The following EFL1 variants were observed in gnomAD, a reference collection of about 807,000 sequenced individuals.
EFL1 encodes the protein elongation factor like GTPase 1.
Under a neutral mutation model 126.7 loss-of-function variants are expected in EFL1, and 76 were observed. That is an observed-to-expected ratio of 0.60 (90% CI 0.50 to 0.73). EFL1 has a LOEUF of 0.73. Among genes scored for constraint, EFL1 ranks in the 30% least tolerant of loss-of-function variants. The pLI is 0.00. For missense variants in EFL1, 1,128 were observed against 1,343.2 expected (o/e 0.84, Z 2.50); for synonymous variants, 410 against 448.4 (o/e 0.91, Z 1.08).
intron 18 of EFL1, among the ~76,000 whole-genome samples, chr15:82,141,309 G>A (rs1434884460): frequency 1.3e-5 from 2 of 152,140 alleles, no homozygotes; most frequent in Non-Finnish European, 2.9e-5. Flanking sequence ...ATATAGAAAA[G>A]AAATCTTACC....
chr15:82,185,465 GA>G (rs1223678425), intron 15 of EFL1, among the ~76,000 whole-genome samples: 1 of 151,834 alleles, frequency 6.6e-6, no homozygotes, highest in Admixed American at 6.6e-5. Context: ...AAGACATTCA[GA>G]AAAAAATTTT....
At chr15:82,256,993 C>T (rs1000923272) in intron 3 of EFL1, among the ~76,000 whole-genome samples, 1 of 152,070 alleles carries the variant, frequency 6.6e-6, no homozygotes, top group Admixed American at 6.5e-5. Context: ...GAGAATACTG[C>T]CGATTGTTGG....
rs2075034957 is a variant in EFL1, at chr15:82,252,834, A to G, written c.160-59T>C. The G allele has an allele frequency of 3.9e-6, 4 of 1,021,080 alleles. No individual in the cohort carries two copies. The South Asian group carries it at 4.6e-5, about 12-fold the overall frequency. The allele number at this position is 1,021,080 out of a possible 1,614,324, so 63.3% of individuals were successfully genotyped here. ...CAAAGAATTAAAATGTAACATTAAAATTTGCTAATTTAGATTTTTGTTTTA... is the reference window on the plus strand; with the variant it reads ...CAAAGAATTAAAATGTAACATTAAAGTTTGCTAATTTAGATTTTTGTTTTA... On this transcript the variant is annotated intron_variant, in intron 3 of 19. Coordinates refer to ENST00000268206, the MANE Select transcript of EFL1 (RefSeq NM_024580.6).
At chr15:82,246,760 A>G (rs1391898245) in intron 4 of EFL1, among the ~76,000 whole-genome samples, 3 of 152,100 alleles carry the variant, frequency 2.0e-5, no homozygotes, top group African/African-American at 4.8e-5. Context: ...CAAGCAGGTG[A>G]GAATTCTTCT....
In EFL1 at chr15:82,130,355, T is replaced by G; in HGVS notation, c.*18A>C. On this transcript the variant is annotated 3_prime_UTR_variant, in exon 20 of 20. Transcript: ENST00000268206. ...TTTAAATTCACTATAAGGAAAAGAA[T>G]CCACCAGTAGTAGGTAGCTACTTAT... The G allele has an allele frequency of 1.2e-6, 2 of 1,609,674 alleles. No homozygotes were observed. The highest frequency in any genetic ancestry group is 8.5e-7 in the Non-Finnish European group (1 of 1,177,668).
intron 19 of EFL1, among the ~76,000 whole-genome samples, chr15:82,131,487 G>A (rs1214127179): frequency 1.3e-5 from 2 of 152,090 alleles, no homozygotes; most frequent in African/African-American, 4.8e-5. Context: ...GAGGTGGTGG[G>A]TGCATGACAT....
At chr15:82,199,155 T>A (rs1246558999) in intron 15 of EFL1, among the ~76,000 whole-genome samples, 1 of 152,062 alleles carries the variant, frequency 6.6e-6, no homozygotes, top group South Asian at 2.1e-4. Flanking sequence ...AAATCCCAAG[T>A]CCAAAAACAG....
intron 15 of EFL1, among the ~76,000 whole-genome samples, chr15:82,171,488 C>A (rs773437652): frequency 2.1e-4 from 32 of 152,126 alleles, no homozygotes; most frequent in Non-Finnish European, 4.1e-4. Context: ...AGCATTGAAA[C>A]AATTAGCCAA....
intron 19 of EFL1, among the ~76,000 whole-genome samples, chr15:82,136,958 C>T (rs2073728664): frequency 6.6e-6 from 1 of 150,620 alleles, no homozygotes; most frequent in Admixed American, 6.6e-5. Flanking sequence ...TTTGTACTGA[C>T]CAAAAAAACG....
chr15:82,130,857 C>G (rs1156608204), intron 19 of EFL1, among the ~76,000 whole-genome samples: 3 of 151,784 alleles, frequency 2.0e-5, no homozygotes, highest in South Asian at 4.2e-4. Flanking sequence ...ACAACAACAA[C>G]AACAAAAATT....
intron 12 of EFL1, among the ~76,000 whole-genome samples, chr15:82,224,685 T>G (rs1037884877): frequency 2.0e-5 from 3 of 151,936 alleles, no homozygotes; most frequent in Non-Finnish European, 4.4e-5. Flanking sequence ...GGAACACACA[T>G]AAAAAACAGG....
chr15:82,239,123 T>G (rs1310934311), intron 6 of EFL1, among the ~76,000 whole-genome samples: 2 of 152,190 alleles, frequency 1.3e-5, no homozygotes, highest in East Asian at 3.9e-4. Flanking sequence ...GCAGGAGTTA[T>G]TTTACCTGTT....
At chr15:82,144,323 TTAC>T (rs2073820299) in intron 18 of EFL1, among the ~76,000 whole-genome samples, 1 of 151,766 alleles carries the variant, frequency 6.6e-6, no homozygotes, top group Non-Finnish European at 1.5e-5. Context: ...AGAAATGAGT[TTAC>T]TTTAGGCTTA....
intron 15 of EFL1, among the ~76,000 whole-genome samples, chr15:82,172,287 T>C (rs1055579637): frequency 2.6e-5 from 4 of 152,212 alleles, no homozygotes; most frequent in Non-Finnish European, 5.9e-5. Flanking sequence ...TAAAGTATGA[T>C]TAGACTGCGC....
At position 82,214,808 on chromosome 15, in the gene EFL1, G is replaced by C. The variant is rs2074628091; in HGVS notation, c.1659C>G (p.Pro553=). 2 of 1,582,894 alleles carry C rather than the reference G, an allele frequency of 1.3e-6. No homozygotes were observed. The highest frequency in any genetic ancestry group is 2.7e-5 in the African/African-American group (2 of 72,734). The change falls in exon 15 of 20, where the codon CCC becomes CCG. Residue 553 remains proline, a synonymous_variant. Coordinates refer to ENST00000268206, the MANE Select transcript of EFL1 (RefSeq NM_024580.6). ...TTTCCAGAGCACAGTATGCCATGTG[G>C]GGGACTTGGGGGAGGCCATCTGGTG... The part of the protein sequence containing the change: ...SAPPDGLPQV[P]HMAYCALENL...
chr15:82,143,803 G>C (rs2073814014), intron 18 of EFL1, among the ~76,000 whole-genome samples: 1 of 152,148 alleles, frequency 6.6e-6, no homozygotes, highest in South Asian at 2.1e-4. Context: ...CAAATCCAAA[G>C]TTGACATGAA....
Position 82,206,315 on chromosome 15 carries a change from T to C in EFL1, c.1750+8402A>G, listed in dbSNP as rs140136717. Among the ~76,000 whole-genome samples the C allele has an allele frequency of 1.6e-3, 242 of 152,064 alleles. 2 individuals are homozygous for C. The East Asian group carries it at 0.029, about 18-fold the overall frequency. Reference sequence around the variant, plus strand: ...AATATATTAGAAGAATTGTAGTATATAAAGAATGGGTTATTTAAGGGCAGA... The same window carrying C: ...AATATATTAGAAGAATTGTAGTATACAAAGAATGGGTTATTTAAGGGCAGA... On this transcript the variant is annotated intron_variant, in intron 15 of 19. Transcript: ENST00000268206.
chr15:82,261,587 G>C (rs1160040375), intron 2 of EFL1, 101 bp downstream of exon 2: 3 of 1,133,604 alleles, frequency 2.6e-6, no homozygotes, highest in Non-Finnish European at 3.8e-6. Context: ...TTGCTTCTTA[G>C]CAAACATCAC....
At chr15:82,229,713 T>TA (rs1298599123) in intron 8 of EFL1, among the ~76,000 whole-genome samples, 3 of 151,762 alleles carry the variant, frequency 2.0e-5, no homozygotes, top group Admixed American at 6.6e-5. Context: ...TGCTCAGTTT[T>TA]AAAAAAAAGC....
Sources: allele counts gnomAD v4.1 joint callset (sites outside exome capture counted in the v4.1 genomes callset), GRCh38; gene constraint gnomAD v4.1.1; transcripts MANE v1.5; gene names NCBI Gene and HGNC (gene_info 2026-07-23, HGNC 2026-07-21).